NEBL: variants seen among roughly 807,000 people sequenced by gnomAD.
NEBL encodes LIM and SH3 protein 2.
Under a neutral mutation model 140.2 loss-of-function variants are expected in NEBL, and 122 were observed. The observed-to-expected ratio is 0.87, with a 90% CI of 0.75 to 1.01. The LOEUF (loss-of-function observed/expected upper bound fraction) is 1.01, where lower values mean the gene tolerates loss of function less well. NEBL is among the 50% of genes least tolerant of loss of function. NEBL has a pLI of 0.00. For missense variants in NEBL, 1,365 were observed against 1,231.3 expected, an observed-to-expected ratio of 1.11 and a Z score of -1.62; for synonymous variants, 436 against 398.9, an observed-to-expected ratio of 1.09 and a Z score of -1.11.
intron 3 of NEBL, among the ~76,000 whole-genome samples, chr10:21,006,418 G>A (rs1838141207): frequency 2.0e-5 from 3 of 152,108 alleles, no homozygotes; most frequent in African/African-American, 2.4e-5. Context: ...ATATTTTAAT[G>A]GAGATAAAAT....
rs144398669 is a variant in NEBL at position 20,784,814 on chromosome 10, C to A, written c.*933G>T. Reference sequence around the variant, plus strand: ...ATGTAAATCCTTCAAAACTAGAGTGCGATGCAGCAGGAAAATCTCAAGCAT... The same window carrying A: ...ATGTAAATCCTTCAAAACTAGAGTGAGATGCAGCAGGAAAATCTCAAGCAT... On this transcript the variant is annotated 3_prime_UTR_variant, in exon 28 of 28. Transcript: ENST00000377122. 6.6e-6 allele frequency: 1 copy of A among 152,118 alleles called. No individual in the cohort carries two copies. Among genetic ancestry groups the A allele is most frequent in the Non-Finnish European group, 1.5e-5 (1 of 68,018 alleles). 9.4% of individuals were successfully genotyped at this position (152,118 alleles called of 1,614,324 possible).
At chr10:21,021,961 C>G (rs1838815764) in intron 2 of NEBL, among the ~76,000 whole-genome samples, 1 of 152,186 alleles carries the variant, frequency 6.6e-6, no homozygotes, top group African/African-American at 2.4e-5. Flanking sequence ...TCAGCGTGTC[C>G]TATAAGGCAT....
At chr10:21,096,488 A>AGTGTGT (rs10541564) in intron 2 of NEBL, among the ~76,000 whole-genome samples, 5,576 of 141,498 alleles carry the variant, frequency 0.039, 139 homozygotes, top group Middle Eastern at 0.099. Context: ...CTTGGTTTTG[A>AGTGTGT]GTGTGTGTGT....
chr10:21,250,315 C>T (rs1245446712), intron 2 of NEBL, among the ~76,000 whole-genome samples: 1 of 152,118 alleles, frequency 6.6e-6, no homozygotes. Flanking sequence ...GCTAGATTGG[C>T]CTAGCCTCCC....
intron 2 of NEBL, chr10:21,030,489 C>G: frequency 1.3e-6 from 1 of 786,266 alleles, no homozygotes; most frequent in South Asian, 1.3e-5. Context: ...AAGGTAATGC[C>G]AGCCCCTCCA....
chr10:20,808,628 A>G lies in NEBL; in HGVS notation c.2643T>C (p.Ser881=), dbSNP rs1052372194. ...CGAAAGTACTGCTGGAATGGGATCG[A>G]GACCAGTGTCGCCTATAGTGACTCG... ...EKASHYRRHW[S]RSHSSSTFGT... Residue 881 remains serine, a synonymous_variant, in exon 26 of 28, where the codon TCT becomes TCC. Coordinates refer to ENST00000377122, the MANE Select transcript of NEBL (RefSeq NM_006393.3). 3 of 1,613,456 alleles carry G rather than the reference A, an allele frequency of 1.9e-6. No individual in the cohort carries two copies. The highest frequency in any genetic ancestry group is 1.7e-6 in the Non-Finnish European group (2 of 1,179,554).
chr10:21,062,004 C>G (rs1018490824), intron 2 of NEBL, among the ~76,000 whole-genome samples: 3 of 152,210 alleles, frequency 2.0e-5, no homozygotes, highest in African/African-American at 7.2e-5. Flanking sequence ...CTGCCCAACA[C>G]GCACAATGCA....
At chr10:20,981,192 C>A (rs944623025) in intron 3 of NEBL, among the ~76,000 whole-genome samples, 28 of 152,098 alleles carry the variant, frequency 1.8e-4, no homozygotes, top group Middle Eastern at 3.4e-3. Flanking sequence ...TTGATGTGTC[C>A]TAAAGATAGA....
intron 26 of NEBL, among the ~76,000 whole-genome samples, chr10:20,793,553 T>A (rs1348414186): frequency 6.7e-6 from 1 of 149,976 alleles, no homozygotes; most frequent in African/African-American, 2.5e-5. Flanking sequence ...TCTTTCTTTC[T>A]TTTCTTTTTT....
intron 2 of NEBL, among the ~76,000 whole-genome samples, chr10:21,149,166 A>C (rs1284703452): frequency 6.6e-6 from 1 of 152,230 alleles, no homozygotes; most frequent in Non-Finnish European, 1.5e-5. Context: ...AAGGCCCAAG[A>C]GAACACTGTA....
intron 19 of NEBL, among the ~76,000 whole-genome samples, chr10:20,821,728 A>G (rs966517321): frequency 6.6e-6 from 1 of 152,192 alleles, no homozygotes; most frequent in Non-Finnish European, 1.5e-5. Context: ...CCATAATGGT[A>G]TATGAACCAC....
intron 5 of NEBL, among the ~76,000 whole-genome samples, chr10:20,879,402 C>G (rs1447181836): frequency 2.0e-5 from 3 of 152,146 alleles, no homozygotes; most frequent in Non-Finnish European, 4.4e-5. Context: ...AAAGCACCCC[C>G]CTAAAATAAT....
chr10:21,261,841 T>A (rs1231996058), intron 1 of NEBL, among the ~76,000 whole-genome samples: 1 of 152,090 alleles, frequency 6.6e-6, no homozygotes, highest in African/African-American at 2.4e-5. Flanking sequence ...CACACTCACA[T>A]GCACCAAAAC....
intron 1 of NEBL, among the ~76,000 whole-genome samples, chr10:21,276,105 A>G (rs1012856498): frequency 1.3e-5 from 2 of 151,534 alleles, no homozygotes; most frequent in African/African-American, 4.9e-5. Context: ...TGAGTAGATG[A>G]AACTACAGGT....
intron 4 of NEBL, among the ~76,000 whole-genome samples, chr10:20,947,001 T>A (rs1323667490): frequency 6.6e-6 from 1 of 152,134 alleles, no homozygotes; most frequent in Non-Finnish European, 1.5e-5. Context: ...TAGTGAGACA[T>A]ACAAAGGTCC....
intron 6 of NEBL, among the ~76,000 whole-genome samples, chr10:20,869,158 T>A (rs1299800635): frequency 6.6e-6 from 1 of 152,234 alleles, no homozygotes; most frequent in Non-Finnish European, 1.5e-5. Flanking sequence ...TGCAGTTGAA[T>A]ACAGTAATGA....
intron 3 of NEBL, among the ~76,000 whole-genome samples, chr10:21,207,152 G>A (rs1251609174): frequency 6.6e-6 from 1 of 151,384 alleles, no homozygotes; most frequent in Admixed American, 6.6e-5. Context: ...TTTTGTATTT[G>A]TAGTAGAGAT....
intron 2 of NEBL, among the ~76,000 whole-genome samples, chr10:21,048,424 C>A: frequency 7.5e-6 from 1 of 133,650 alleles, no homozygotes; most frequent in Non-Finnish European, 1.5e-5. Context: ...AAGGGCCATT[C>A]TACTCTTAGA....
chr10:20,853,402 C>T (rs1842733070), intron 9 of NEBL, among the ~76,000 whole-genome samples: 1 of 152,142 alleles, frequency 6.6e-6, no homozygotes, highest in African/African-American at 2.4e-5. Flanking sequence ...GTTTCATTAG[C>T]AACCTAAGTG....
Sources: gnomAD v4.1 joint callset for allele counts (sites outside exome capture counted in the v4.1 genomes callset) on GRCh38, gnomAD v4.1.1 for gene constraint, MANE v1.5 for transcripts, NCBI Gene and HGNC (gene_info 2026-07-23, HGNC 2026-07-21) for gene names.